Variants in PIN4 observed in about 807,000 individuals in gnomAD.
PIN4 encodes peptidyl-prolyl cis-trans isomerase NIMA-interacting 4.
PIN4 carries 3 observed loss-of-function variants against 8.3 expected under a neutral mutation model. The ratio of observed to expected loss-of-function variants is 0.36; its 90% confidence interval spans 0.16 to 0.93. PIN4 has a LOEUF of 0.93. Among genes scored for constraint, PIN4 ranks in the 40% least tolerant of loss-of-function variants. The pLI is 0.44. For missense variants in PIN4, 75 were observed against 100.6 expected, an observed-to-expected ratio of 0.75 and a Z score of 1.09; for synonymous variants, 18 against 32.5, an observed-to-expected ratio of 0.55 and a Z score of 1.52.
chrX:72,252,703 T>C (rs1327234122), intron 3 of PIN4, among the ~76,000 whole-genome samples: 1 of 112,181 alleles, frequency 8.9e-6, no homozygotes, highest in Non-Finnish European at 1.9e-5. Flanking sequence ...CCAGGTCTTT[T>C]CTTATAAGAC....
At position 72,232,966 on chromosome X, in the gene PIN4, A is replaced by G. The variant is rs141278596; in HGVS notation, c.313-29741A>G. Among the ~76,000 whole-genome samples the G allele has an allele frequency of 4.4e-3, 486 of 110,998 alleles. 3 individuals are homozygous for G. The highest frequency in any genetic ancestry group is 0.015 in the African/African-American group (446 of 30,546). On this transcript the variant is annotated intron_variant, in intron 3 of 3. Transcript: ENST00000423432. Reference sequence around the variant, plus strand: ...AAAAAAAAAACTGATTTGAGCAATAATTATCAATGGTTGAAAGCCTGATGG... The same window carrying G: ...AAAAAAAAAACTGATTTGAGCAATAGTTATCAATGGTTGAAAGCCTGATGG...
At chrX:72,205,794 C>T (rs1292177416) in intron 3 of PIN4, 5 of 1,210,459 alleles carry the variant, frequency 4.1e-6, no homozygotes, top group African/African-American at 1.7e-5. Flanking sequence ...TATGCACAAA[C>T]CCTGCTCTGG....
chrX:72,207,585 T>C (rs1354037504), intron 3 of PIN4: 5 of 1,209,814 alleles, frequency 4.1e-6, no homozygotes, highest in Non-Finnish European at 1.1e-6. Flanking sequence ...GCGTCTCCAT[T>C]AGCAACTCCT....
At chrX:72,207,486 A>G in intron 3 of PIN4, 2 of 1,210,427 alleles carry the variant, frequency 1.7e-6, no homozygotes, top group Non-Finnish European at 2.2e-6. Flanking sequence ...AGAATGTCCC[A>G]AGATTTAGCA....
rs1385657591 is a variant in PIN4, at chrX:72,259,847, C to T, written c.313-2860C>T. Reference sequence around the variant, plus strand: ...CTGGGTTCAAGCCATTCTCCTGCCTCAGCCTCCTGAGTAGCTGGGATTACA... The same window carrying T: ...CTGGGTTCAAGCCATTCTCCTGCCTTAGCCTCCTGAGTAGCTGGGATTACA... On this transcript the variant is annotated intron_variant, in intron 3 of 3. Transcript: ENST00000423432. Among the ~76,000 whole-genome samples, 3 of 106,730 alleles carry T rather than the reference C, an allele frequency of 2.8e-5. No individual in the cohort carries two copies. The Admixed American group carries it at 3.1e-4, about 11-fold the overall frequency. The allele number at this position is 106,730 out of a possible 115,157, so 92.7% of individuals were successfully genotyped here. A position where few individuals can be genotyped will look rare whatever the true frequency, so the allele number is the denominator to read the frequency against.
intron 3 of PIN4, among the ~76,000 whole-genome samples, chrX:72,252,743 C>T (rs747958091): frequency 8.9e-6 from 1 of 112,030 alleles, no homozygotes; most frequent in East Asian, 2.8e-4. Context: ...GCTTCACCTT[C>T]ATGACCTAAT....
At chrX:72,205,906 T>A in intron 3 of PIN4, 1 of 1,211,331 alleles carries the variant, frequency 8.3e-7, no homozygotes, top group Non-Finnish European at 1.1e-6. Context: ...CAAGAAAAGA[T>A]TGAAATCACA....
intron 3 of PIN4, among the ~76,000 whole-genome samples, chrX:72,211,989 C>T (rs1200236710): frequency 9.0e-6 from 1 of 111,144 alleles, no homozygotes; most frequent in Admixed American, 9.6e-5. Flanking sequence ...AAAATCATCT[C>T]TGTGGCTGGG....
chrX:72,239,149 G>A (rs1343723898), intron 3 of PIN4: 2 of 388,475 alleles, frequency 5.1e-6, no homozygotes, highest in South Asian at 4.2e-5. Flanking sequence ...CTGCGCCTAC[G>A]CGCGCCGGGA....
intron 3 of PIN4, among the ~76,000 whole-genome samples, chrX:72,261,313 AAAC>A (rs1193349665): frequency 9.2e-6 from 1 of 108,923 alleles, no homozygotes; most frequent in Non-Finnish European, 1.9e-5. Flanking sequence ...AAAAAAAAAA[AAAC>A]CAAAATCTGG....
At chrX:72,191,381 TC>T (rs1315204966) in intron 2 of PIN4, among the ~76,000 whole-genome samples, 1 of 110,260 alleles carries the variant, frequency 9.1e-6, no homozygotes, top group Non-Finnish European at 1.9e-5. Context: ...TGACACCTTG[TC>T]TCTACTGAAA....
rs748711793 is a variant in PIN4 at position 72,206,007 on chromosome X, GTCA to G, written c.312+9107_312+9109del. On this transcript the variant is annotated intron_variant, in intron 3 of 3. Coordinates refer to the PIN4 transcript ENST00000423432. Reference sequence around the variant, plus strand: ...GCAGTGCACTATGGGATGCTGAAAGGTCATCAGCTATTTCAATAATGGATACAT... The same window carrying G: ...GCAGTGCACTATGGGATGCTGAAAGGTCAGCTATTTCAATAATGGATACAT... 7.4e-6 allele frequency: 9 copies of G among 1,210,045 alleles called. No homozygotes were observed. The East Asian group carries it at 2.1e-4, about 28-fold the overall frequency.
At chrX:72,250,343 T>TC (rs763956109) in intron 3 of PIN4, among the ~76,000 whole-genome samples, 46 of 110,604 alleles carry the variant, frequency 4.2e-4, no homozygotes, top group African/African-American at 1.4e-3. Context: ...GTGCCTATAG[T>TC]CCCAGCTACT....
At chrX:72,224,235 A>T (rs971922671) in intron 3 of PIN4, among the ~76,000 whole-genome samples, 1 of 111,631 alleles carries the variant, frequency 9.0e-6, no homozygotes, top group African/African-American at 3.3e-5. Context: ...TGAAGGACAT[A>T]CAAGAACTTC....
chrX:72,192,020 T>C (rs761465195), intron 2 of PIN4, among the ~76,000 whole-genome samples: 10 of 110,906 alleles, frequency 9.0e-5, no homozygotes, highest in Admixed American at 4.8e-4. Context: ...GGCGCGATCT[T>C]GGCTCACTGC....
chrX:72,206,437 A>G lies in PIN4; in HGVS notation c.312+9533A>G, dbSNP rs138539407. On this transcript the variant is annotated intron_variant, in intron 3 of 3. Coordinates refer to the PIN4 transcript ENST00000423432. ...CTCACCCTCTTTGGGCAGATCATCA[A>G]TGACTACACTTGCCATTTTGGAACT... The G allele has an allele frequency of 4.5e-5, 54 of 1,208,727 alleles. No individual in the cohort carries two copies. The highest frequency in any genetic ancestry group is 5.1e-5 in the Non-Finnish European group (46 of 894,803).
At chrX:72,210,069 G>T (rs1375892901) in intron 3 of PIN4, among the ~76,000 whole-genome samples, 2 of 108,893 alleles carry the variant, frequency 1.8e-5, no homozygotes, top group Admixed American at 1.0e-4. Flanking sequence ...CAGAGGGGGG[G>T]AAGAGATATA....
intron 3 of PIN4, among the ~76,000 whole-genome samples, chrX:72,256,401 A>G (rs2061831037): frequency 8.9e-6 from 1 of 111,998 alleles, no homozygotes; most frequent in African/African-American, 3.2e-5. Flanking sequence ...GAGCCAAGGT[A>G]TAGCTCCAAT....
intron 3 of PIN4, among the ~76,000 whole-genome samples, chrX:72,255,233 G>C (rs2043105202): frequency 1.9e-5 from 2 of 107,522 alleles, no homozygotes; most frequent in Admixed American, 2.0e-4. Flanking sequence ...TCACGCCACT[G>C]AACTCCAGCC....
Sources: allele counts gnomAD v4.1 joint callset (sites outside exome capture counted in the v4.1 genomes callset), GRCh38; gene constraint gnomAD v4.1.1; transcripts MANE v1.5; gene names NCBI Gene and HGNC (gene_info 2026-07-23, HGNC 2026-07-21).